Variants in CCNC observed in about 807,000 individuals in gnomAD.
CCNC encodes cyclin C.
Under a neutral mutation model 50.0 loss-of-function variants are expected in CCNC, and 19 were observed. The ratio of observed to expected loss-of-function variants is 0.38; its 90% CI spans 0.27 to 0.56. The LOEUF (loss-of-function observed/expected upper bound fraction) is 0.56, where lower values mean the gene tolerates loss of function less well. Among genes scored for constraint, CCNC ranks in the 20% least tolerant of loss-of-function variants. The pLI is 0.72. For missense variants in CCNC, 200 were observed against 327.1 expected (o/e 0.61, Z 3.00); for synonymous variants, 93 against 103.7 (o/e 0.90, Z 0.63).
intron 10 of CCNC, 63 bp downstream of exon 10, chr6:99,546,332 C>T (rs1802068363): frequency 9.3e-7 from 1 of 1,070,406 alleles, no homozygotes; most frequent in Non-Finnish European, 1.5e-6. Context: ...ATTTTAGGCT[C>T]ATGATAAGTA....
At chr6:99,568,145 TCA>T (rs1769232028) in intron 1 of CCNC, 1 of 311,010 alleles carries the variant, frequency 3.2e-6, no homozygotes. Context: ...ACAGGTAGCC[TCA>T]CAGTCTTGAG....
upstream of CCNC, chr6:99,568,684 C>T (rs890996968): frequency 2.0e-6 from 3 of 1,482,628 alleles, no homozygotes; most frequent in Admixed American, 2.4e-5. Context: ...GGATGGCCCC[C>T]TAGTCTCCTT....
chr6:99,553,605 C>T (rs1802393831), intron 5 of CCNC, among the ~76,000 whole-genome samples: 1 of 152,154 alleles, frequency 6.6e-6, no homozygotes, highest in Non-Finnish European at 1.5e-5. Flanking sequence ...CTTCCTCCTT[C>T]AGTAAATCTT....
chr6:99,542,751 T>C lies in CCNC; in HGVS notation c.*804A>G, dbSNP rs1215695747. The C allele has an allele frequency of 6.6e-6, 1 of 152,542 alleles. No homozygotes were observed. Among genetic ancestry groups the C allele is most frequent in the East Asian group, 1.9e-4 (1 of 5,204 alleles). The allele number at this position is 152,542 out of a possible 1,614,324, so 9.4% of individuals were successfully genotyped here. ...ATTAAACTAGGGTGTGTATATCTTA[T>C]AAAAACCTTTTCACAGTAAAAATCA... On this transcript the variant is annotated 3_prime_UTR_variant, in exon 12 of 12. Coordinates refer to ENST00000520429, the MANE Select transcript of CCNC (RefSeq NM_005190.4).
intron 7 of CCNC, 55 bp downstream of exon 7, chr6:99,550,938 A>G: frequency 1.1e-6 from 1 of 885,126 alleles, no homozygotes; most frequent in Non-Finnish European, 1.6e-6. Context: ...AATAATTTCC[A>G]ACTTCATTTA....
At position 99,543,926 on chromosome 6, in the gene CCNC, C is replaced by A. The variant is rs1583565104; in HGVS notation, c.798-317G>T. ...CAGGTATCACTCAACATAGAGATTA[C>A]AGCTTCTTCTAAACAAATTTCCTAT... is the stretch of plus-strand genomic sequence containing the variant. On this transcript the variant is annotated intron_variant, in intron 11 of 11. Coordinates refer to ENST00000520429, the MANE Select transcript of CCNC (RefSeq NM_005190.4). 2.4e-6 allele frequency: 3 copies of A among 1,258,086 alleles called. No individual in the cohort carries two copies. In the East Asian group the frequency reaches 1.0e-4, roughly 42 times the overall value. 77.9% of individuals were successfully genotyped at this position (1,258,086 alleles called of 1,614,324 possible).
chr6:99,549,288 C>CAA (rs34144372), intron 9 of CCNC: 5,975 of 485,916 alleles, frequency 0.012, no homozygotes, highest in South Asian at 0.017. Context: ...TGAATGGTTT[C>CAA]AAAAAAAAAA....
rs1409284047 is a variant in CCNC, at chr6:99,551,043, G to C, written c.403-15C>G. 2 of 1,075,646 alleles carry C rather than the reference G, an allele frequency of 1.9e-6. No homozygotes were observed. The highest frequency in any genetic ancestry group is 2.5e-6 in the Non-Finnish European group (2 of 787,406). 66.6% of individuals were successfully genotyped at this position (1,075,646 alleles called of 1,614,324 possible). A position where few individuals can be genotyped will look rare whatever the true frequency, so the allele number is the denominator to read the frequency against. ...CATTCTAATATCTGTTTAAAACAAA[G>C]ATTATCAATGAAATGTCAATATGAA... On this transcript the variant is annotated splice_polypyrimidine_tract_variant and intron_variant, in intron 6 of 11. Transcript: ENST00000520429.
chr6:99,543,652 A>G, intron 11 of CCNC, 43 bp from the exon 12 acceptor site: 1 of 1,609,334 alleles, frequency 6.2e-7, no homozygotes, highest in Admixed American at 1.7e-5. Flanking sequence ...CAATTAAAAG[A>G]TCCATTTTTA....
chr6:99,555,186 C>T lies in CCNC; in HGVS notation c.347-3291G>A, dbSNP rs557074435. 2.5e-3 allele frequency among the ~76,000 whole-genome samples: 380 copies of T among 152,256 alleles called. 6 individuals carry two copies. The highest frequency in any genetic ancestry group is 6.3e-3 in the Admixed American group (97 of 15,286). ...ATGTGTAGTTCCTTTTGCCTTTACT[C>T]TTACACTCTTAATCATTTCCAAAGC... On this transcript the variant is annotated intron_variant, in intron 5 of 11. Coordinates refer to ENST00000520429, the MANE Select transcript of CCNC (RefSeq NM_005190.4).
chr6:99,566,906 A>G (rs184131777), intron 1 of CCNC: 29 of 451,068 alleles, frequency 6.4e-5, no homozygotes, highest in South Asian at 3.8e-4. Context: ...ACCTAAGACA[A>G]TGGCCTTTCA....
chr6:99,560,264 T>A (rs964085563), intron 4 of CCNC, among the ~76,000 whole-genome samples: 9 of 152,210 alleles, frequency 5.9e-5, no homozygotes, highest in Non-Finnish European at 7.4e-5. Flanking sequence ...TTACATAGAA[T>A]TATTAGAATT....
chr6:99,558,436 AT>A (rs766785586), intron 5 of CCNC, 60 bp downstream of exon 5: 1 of 1,580,018 alleles, frequency 6.3e-7, no homozygotes, highest in African/African-American at 1.4e-5. Context: ...AAAAAAATCT[AT>A]GTACTCTGGA....
At chr6:99,550,066 A>G (rs781499451) in intron 8 of CCNC, 152 bp downstream of exon 8, 363 of 556,124 alleles carry the variant, frequency 6.5e-4, no homozygotes, top group Non-Finnish European at 7.2e-4. Context: ...ACACCACTAT[A>G]GTTATTAAAA....
intron 11 of CCNC, among the ~76,000 whole-genome samples, chr6:99,544,492 TAC>T (rs918253664): frequency 6.6e-5 from 10 of 152,100 alleles, no homozygotes; most frequent in Admixed American, 5.2e-4. Context: ...AATGAACTGA[TAC>T]ACAGTGAGGG....
intron 1 of CCNC, among the ~76,000 whole-genome samples, chr6:99,563,899 G>A (rs1245639980): frequency 2.6e-5 from 4 of 150,974 alleles, no homozygotes; most frequent in Admixed American, 6.6e-5. Context: ...ATTAATAGCT[G>A]GTATAAAAAA....
intron 2 of CCNC, 196 bp downstream of exon 2, chr6:99,562,646 G>A (rs1454385758): frequency 6.1e-6 from 3 of 491,540 alleles, no homozygotes; most frequent in Non-Finnish European, 1.1e-5. Flanking sequence ...GAGTGCCTGT[G>A]ATATGTAAAA....
At chr6:99,561,293 C>A in intron 4 of CCNC, 74 bp downstream of exon 4, 1 of 893,656 alleles carries the variant, frequency 1.1e-6, no homozygotes. Context: ...TTACATAGGC[C>A]ATGTGAAAAC....
At chr6:99,563,791 T>G (rs1364356622) in intron 1 of CCNC, among the ~76,000 whole-genome samples, 1 of 152,206 alleles carries the variant, frequency 6.6e-6, no homozygotes, top group African/African-American at 2.4e-5. Flanking sequence ...AGGTATTTCC[T>G]AATTTATAAT....
Sources: allele counts gnomAD v4.1 joint callset (sites outside exome capture counted in the v4.1 genomes callset), GRCh38; gene constraint gnomAD v4.1.1; transcripts MANE v1.5; gene names NCBI Gene and HGNC (gene_info 2026-07-23, HGNC 2026-07-21).